The following RRP9 variants were observed in gnomAD, a reference collection of about 807,000 sequenced individuals.
The protein encoded by RRP9 is ribosomal RNA processing 9, U3 small nucleolar RNA binding protein.
In RRP9, 35 loss-of-function variants were observed where a neutral mutation model predicts 65.5. The ratio of observed to expected loss-of-function variants is 0.53; its 90% CI spans 0.41 to 0.71. The LOEUF (loss-of-function observed/expected upper bound fraction) is 0.71. RRP9 is among the 30% of genes least tolerant of loss of function. The probability of loss-of-function intolerance (pLI) is 0.00; values close to 1 mark genes in which losing one functional copy is unlikely to be tolerated. For missense variants in RRP9, 533 were observed against 633.6 expected (o/e 0.84, Z 1.70); for synonymous variants, 254 against 245.0 (o/e 1.04, Z -0.34).
rs535285707 is a variant in RRP9 at position 51,938,096 on chromosome 3, T to C, written c.279A>G (p.Gln93=). 60 of 1,597,736 alleles carry C rather than the reference T, an allele frequency of 3.8e-5. No homozygotes were observed. The African/African-American group carries it at 6.9e-4, about 18-fold the overall frequency. The change falls in exon 3 of 15, where the codon CAA becomes CAG. Residue 93 remains glutamine (Q), a splice_region_variant and synonymous_variant. Coordinates refer to ENST00000232888, the MANE Select transcript of RRP9 (RefSeq NM_004704.5). Reference sequence around the variant, plus strand: ...TGGCTGGCCTGCCCACTGGCTCACCTTGCTGACGGAGCTGCTCTAGGTAGA... The same window carrying C: ...TGGCTGGCCTGCCCACTGGCTCACCCTGCTGACGGAGCTGCTCTAGGTAGA... ...AKLYLEQLRQ[Q]EEEKAEARAF... is the part of the protein sequence containing the mutation.
At chr3:51,933,921 C>T in intron 13 of RRP9, 140 bp from the exon 14 acceptor site, 1 of 772,076 alleles carries the variant, frequency 1.3e-6, no homozygotes, top group Non-Finnish European at 2.2e-6. Flanking sequence ...CACAGGCCAG[C>T]CCTTCACTTG....
chr3:51,936,618 C>T, intron 6 of RRP9, 63 bp from the exon 7 acceptor site: 4 of 1,543,636 alleles, frequency 2.6e-6, no homozygotes, highest in South Asian at 1.1e-5. Context: ...GGCAACCCCC[C>T]TCAAGGGGCA....
chr3:51,939,788 TA>T (rs1292342680), intron 2 of RRP9, among the ~76,000 whole-genome samples: 3 of 152,220 alleles, frequency 2.0e-5, no homozygotes, highest in African/African-American at 7.2e-5. Context: ...ACCTAAGTGG[TA>T]AGTAAGTGTA....
chr3:51,935,923 G>A (rs1033553208), intron 8 of RRP9, among the ~76,000 whole-genome samples: 10 of 152,114 alleles, frequency 6.6e-5, no homozygotes, highest in African/African-American at 1.7e-4. Flanking sequence ...GTGCAGTGGT[G>A]CGATCATAGC....
rs1163201741 is a variant in RRP9, at chr3:51,933,765, C to T, written c.1277G>A (p.Ser426Asn). ...GTCCCCAGAGCTGGAGAACTTGAGG[C>T]TGTTGATAAAACCCACCTGAGCAGA... ...CDIPLVGFIN[S>N]LKFSSSGDFL... is the part of the protein sequence containing the mutation. Residue 426 changes from serine (S) to asparagine (N), a missense_variant, in exon 14 of 15, where the codon AGC becomes AAC. Physicochemically the swap from Ser to Asn is conservative, Grantham distance 46. Around this residue, in one of 3 missense-constraint regions of RRP9, gnomAD observed 449 missense variants for 550.6 expected, o/e 0.82. Transcript: ENST00000232888. The T allele has an allele frequency of 9.3e-6, 15 of 1,614,024 alleles. No homozygotes were observed. Among genetic ancestry groups the T allele is most frequent in the African/African-American group, 1.3e-5 (1 of 74,906 alleles).
chr3:51,941,326 T>A, intron 2 of RRP9, 83 bp downstream of exon 2: 2 of 1,149,408 alleles, frequency 1.7e-6, no homozygotes, highest in South Asian at 1.2e-5. Context: ...GATTCTAGGC[T>A]CAGTTCTGTT....
Position 51,933,458 on chromosome 3 carries a change from AG to A in RRP9, c.*47del. Reference sequence around the variant, plus strand: ...AAAAGAGGAGGCTTTTAATACAAAGAGGGTGGGGCATAGCCTGGGAAGGACT... The same window carrying A: ...AAAAGAGGAGGCTTTTAATACAAAGAGGTGGGGCATAGCCTGGGAAGGACT... On this transcript the variant is annotated 3_prime_UTR_variant, in exon 15 of 15. Transcript: ENST00000232888. 6.8e-7 allele frequency: 1 copy of A among 1,480,736 alleles called. No homozygotes were observed. The highest frequency in any genetic ancestry group is 9.4e-7 in the Non-Finnish European group (1 of 1,065,392). 91.7% of individuals were successfully genotyped at this position (1,480,736 alleles called of 1,614,324 possible). A position where few individuals can be genotyped will look rare whatever the true frequency, so the allele number is the denominator to read the frequency against.
intron 2 of RRP9, among the ~76,000 whole-genome samples, chr3:51,939,582 TG>T (rs964799627): frequency 3.9e-4 from 59 of 152,144 alleles, no homozygotes; most frequent in African/African-American, 1.4e-3. Context: ...AGGGTAGAGG[TG>T]GTCACACAAC....
In RRP9 at chr3:51,935,368, C is replaced by A; in HGVS notation, c.945G>T (p.Glu315Asp). The change falls in exon 10 of 15, where the codon GAG (glutamate) becomes GAT (aspartate). Residue 315 changes from glutamate (E) to aspartate (D), a missense_variant. Around this residue, in one of 3 missense-constraint regions of RRP9, gnomAD observed 449 missense variants for 550.6 expected, o/e 0.82. Coordinates refer to ENST00000232888, the MANE Select transcript of RRP9 (RefSeq NM_004704.5). Reference protein sequence around the residue: ...GTVRVWKIPEESQLVFYGHQG... With the variant: ...GTVRVWKIPEDSQLVFYGHQG... ...GGTGGCCATAGAAGACAAGCTGGGA[C>A]TCCTCGGGGATCTTCCACACACGTA... is the stretch of plus-strand genomic sequence containing the variant. The A allele has an allele frequency of 1.9e-6, 3 of 1,614,150 alleles. No individual in the cohort carries two copies. Among genetic ancestry groups the A allele is most frequent in the Non-Finnish European group, 2.5e-6 (3 of 1,180,004 alleles).
chr3:51,934,844 A>G lies in RRP9; in HGVS notation c.1035-68T>C. ...AGAAAAGGCCCCCTGTGTAACACAA[A>G]GGATTAATGCTTGAGGGGATGGATA... On this transcript the variant is annotated intron_variant, in intron 11 of 14. Coordinates refer to ENST00000232888, the MANE Select transcript of RRP9 (RefSeq NM_004704.5). This position sits in a 1 kb window ranked among gnomAD's most constrained non-coding sequence, Gnocchi z 4.1. 6.6e-7 allele frequency: 1 copy of G among 1,521,814 alleles called. No homozygotes were observed. The highest frequency in any genetic ancestry group is 9.0e-7 in the Non-Finnish European group (1 of 1,114,962). 94.3% of individuals were successfully genotyped at this position (1,521,814 alleles called of 1,614,324 possible). A position where few individuals can be genotyped will look rare whatever the true frequency, so the allele number is the denominator to read the frequency against.
At chr3:51,936,145 G>C in intron 8 of RRP9, 112 bp downstream of exon 8, 1 of 986,470 alleles carries the variant, frequency 1.0e-6, no homozygotes, top group Non-Finnish European at 1.6e-6. Flanking sequence ...CTACCCACTC[G>C]CTACCCCAGG....
In RRP9 at chr3:51,934,460, A is replaced by T; in HGVS notation, c.1260+12T>A. 3 of 1,610,714 alleles carry T rather than the reference A, an allele frequency of 1.9e-6. No individual in the cohort carries two copies. Among genetic ancestry groups the T allele is most frequent in the Non-Finnish European group, 1.7e-6 (2 of 1,178,074 alleles). ...GCAGAGACAGGCTGAGCATTCAAGCACACTCACTCACCAGGGGGATGTCAC... is the reference window on the plus strand; with the variant it reads ...GCAGAGACAGGCTGAGCATTCAAGCTCACTCACTCACCAGGGGGATGTCAC... On this transcript the variant is annotated intron_variant, in intron 13 of 14. Transcript: ENST00000232888. The surrounding 1 kb of genome is among the most constrained non-coding windows in gnomAD (Gnocchi z 4.1).
At chr3:51,936,159 C>T (rs764395068) in intron 8 of RRP9, 98 bp downstream of exon 8, 3 of 1,140,796 alleles carry the variant, frequency 2.6e-6, no homozygotes, top group Non-Finnish European at 4.0e-6. Context: ...CCCCAGGATG[C>T]AGGTTCCCTG....
chr3:51,941,656 A>C, intron 1 of RRP9, 125 bp downstream of exon 1: 1 of 1,102,176 alleles, frequency 9.1e-7, no homozygotes, highest in Non-Finnish European at 1.3e-6. Flanking sequence ...GAGAGGGACG[A>C]AGCTGACTCC....
chr3:51,937,070 C>A lies in RRP9; in HGVS notation c.517+122G>T. ...CACCCAGAGAGCACTCCTAGGGCAG[C>A]AAACCTGCCTCCAGAGACTTCCCCA... On this transcript the variant is annotated intron_variant, in intron 6 of 14. Transcript: ENST00000232888. The surrounding 1 kb of genome is among the most constrained non-coding windows in gnomAD (Gnocchi z 5.0). 1 of 1,306,776 alleles carries A rather than the reference C, an allele frequency of 7.7e-7. No individual in the cohort carries two copies. Among genetic ancestry groups the A allele is most frequent in the Admixed American group, 1.9e-5 (1 of 52,538 alleles). The allele number at this position is 1,306,776 out of a possible 1,614,324, so 80.9% of individuals were successfully genotyped here. A position where few individuals can be genotyped will look rare whatever the true frequency, so the allele number is the denominator to read the frequency against.
intron 2 of RRP9, among the ~76,000 whole-genome samples, chr3:51,939,145 C>T (rs892496918): frequency 1.3e-5 from 2 of 152,192 alleles, no homozygotes; most frequent in African/African-American, 2.4e-5. Context: ...CTGTCCACTC[C>T]CCTAACCGTG....
intron 11 of RRP9, 28 bp downstream of exon 11, chr3:51,935,169 G>T: frequency 6.2e-7 from 1 of 1,613,332 alleles, no homozygotes; most frequent in Admixed American, 1.7e-5. Context: ...CAGAAGCCGT[G>T]GCCAGAGACA....
rs745791944 is a variant in RRP9, at chr3:51,934,504, G to A, written c.1228C>T (p.Arg410Trp). The A allele has an allele frequency of 4.3e-6, 7 of 1,613,812 alleles. No individual in the cohort carries two copies. The highest frequency in any genetic ancestry group is 4.5e-5 in the East Asian group (2 of 44,892). Residue 410 changes from arginine to tryptophan, a missense_variant, in exon 13 of 15, where the codon CGG (arginine) becomes TGG (tryptophan). By Grantham distance (101) the Arg-to-Trp change is moderately radical. Around this residue, in one of 3 missense-constraint regions of RRP9, gnomAD observed 449 missense variants for 550.6 expected, o/e 0.82. Transcript: ENST00000232888. The surrounding 1 kb of genome is among the most constrained non-coding windows in gnomAD (Gnocchi z 4.1). ...VRLWQCGEGF[R>W]QLDLLCDIPL... Reference sequence around the variant, plus strand: ...ATGTCACAGAGAAGGTCAAGCTGCCGGAAGCCTTCCCCACACTGCCAAAGC... The same window carrying A: ...ATGTCACAGAGAAGGTCAAGCTGCCAGAAGCCTTCCCCACACTGCCAAAGC...
In RRP9 at chr3:51,937,191, C is replaced by T; in HGVS notation, c.517+1G>A. On this transcript the variant is annotated splice_donor_variant, in intron 6 of 14. Coordinates refer to ENST00000232888, the MANE Select transcript of RRP9 (RefSeq NM_004704.5). LOFTEE classifies it high-confidence loss of function. This position sits in a 1 kb window ranked among gnomAD's most constrained non-coding sequence, Gnocchi z 5.0. ...CCAGCCCCACCCAGGCACTCACTCA[C>T]ACTTAATGATGCTGCAGTCTTTGGC... is the stretch of plus-strand genomic sequence containing the variant. 1.2e-6 allele frequency: 2 copies of T among 1,613,052 alleles called. No individual in the cohort carries two copies. The highest frequency in any genetic ancestry group is 1.7e-6 in the Non-Finnish European group (2 of 1,179,530).
Sources: gnomAD v4.1 joint callset for allele counts (sites outside exome capture counted in the v4.1 genomes callset) on GRCh38, gnomAD v4.1.1 for gene constraint, gnomAD v4.1.1 regional missense constraint, Gnocchi (gnomAD v3.1) non-coding constraint, MANE v1.5 for transcripts, NCBI Gene and HGNC (gene_info 2026-07-23, HGNC 2026-07-21) for gene names.